The following BCL11B variants were observed in gnomAD, a reference collection of about 807,000 sequenced individuals.
The protein encoded by BCL11B is B-cell lymphoma/leukemia 11B.
In BCL11B, 8 loss-of-function variants were observed where a neutral mutation model predicts 49.9. The observed-to-expected ratio is 0.16, with a 90% confidence interval of 0.09 to 0.29. BCL11B has a LOEUF of 0.29. Among genes scored for constraint, BCL11B ranks in the 10% least tolerant of loss-of-function variants. BCL11B has a pLI of 1.00. For missense variants in BCL11B, 1,006 were observed against 1,351.0 expected (o/e 0.74, Z 4.00); for synonymous variants, 739 against 637.4 (o/e 1.16, Z -2.40).
Position 99,241,188 on chromosome 14 carries a change from A to AT in BCL11B, c.428-9632dup, listed in dbSNP as rs1160252005. On this transcript the variant is annotated intron_variant, in intron 2 of 3. Coordinates refer to ENST00000357195, the MANE Select transcript of BCL11B (RefSeq NM_138576.4). The surrounding 1 kb of genome is among the most constrained non-coding windows in gnomAD (Gnocchi z 4.4). The stretch of plus-strand genomic sequence containing the variant: ...TTGGTTTTGAAACTGTTTTTTTATT[A>AT]TTTTTTTTAAATCTACAGCCTCTGT... 5.3e-5 allele frequency among the ~76,000 whole-genome samples: 8 copies of AT among 151,698 alleles called. No individual in the cohort carries two copies. Among genetic ancestry groups the AT allele is most frequent in the Non-Finnish European group, 1.0e-4 (7 of 67,926 alleles).
chr14:99,175,615 C>A lies in BCL11B; in HGVS notation c.1221G>T (p.Pro407=), dbSNP rs751446043. 2.6e-6 allele frequency: 4 copies of A among 1,562,068 alleles called. No individual in the cohort carries two copies. The African/African-American group carries it at 5.5e-5, about 22-fold the overall frequency. The change falls in exon 4 of 4, where the codon CCG becomes CCT. Residue 407 remains proline, a synonymous_variant. Coordinates refer to ENST00000357195, the MANE Select transcript of BCL11B (RefSeq NM_138576.4). ...PSPKSPFLST[P]PLPPMPPGGT... ...CGCCAGGGGGCATGGGCGGCAGCGGCGGCGTGCTCAGGAACGGGGACTTGG... is the reference window on the plus strand; with the variant it reads ...CGCCAGGGGGCATGGGCGGCAGCGGAGGCGTGCTCAGGAACGGGGACTTGG...
intron 1 of BCL11B, among the ~76,000 whole-genome samples, chr14:99,258,994 G>T (rs1889259645): frequency 8.5e-6 from 1 of 118,094 alleles, no homozygotes. Context: ...AAAATTGGAA[G>T]ACTCGGCAGC....
chr14:99,211,419 T>C (rs1332810316), intron 3 of BCL11B, among the ~76,000 whole-genome samples: 1 of 152,208 alleles, frequency 6.6e-6, no homozygotes, highest in Non-Finnish European at 1.5e-5. Flanking sequence ...TGCCTTTTGC[T>C]GTTCTGTCCT....
Position 99,231,292 on chromosome 14 carries a change from G to T in BCL11B, c.640+53C>A, listed in dbSNP as rs1566821493. Reference sequence around the variant, plus strand: ...CCCACCTTGCTCCAGCGCTGCCCATGGCACACCCCGCCATCCCGGGGGCCC... The same window carrying T: ...CCCACCTTGCTCCAGCGCTGCCCATTGCACACCCCGCCATCCCGGGGGCCC... On this transcript the variant is annotated intron_variant, in intron 3 of 3. Coordinates refer to ENST00000357195, the MANE Select transcript of BCL11B (RefSeq NM_138576.4). The surrounding 1 kb of genome is among the most constrained non-coding windows in gnomAD (Gnocchi z 8.1). 1.3e-6 allele frequency: 2 copies of T among 1,571,076 alleles called. No homozygotes were observed.
At position 99,169,923 on chromosome 14, in the gene BCL11B, C is replaced by T. The variant is rs1230691554; in HGVS notation, c.*4228G>A. 8.7e-6 allele frequency: 2 copies of T among 229,584 alleles called. No homozygotes were observed. The highest frequency in any genetic ancestry group is 8.7e-6 in the Non-Finnish European group (1 of 115,544). The allele number at this position is 229,584 out of a possible 1,614,324, so 14.2% of individuals were successfully genotyped here. ...AACTTTGAACAAAGTTGTGGCAGTG[C>T]GGAAACCGGCCTGAGGTCGGCTGGG... On this transcript the variant is annotated 3_prime_UTR_variant, in exon 4 of 4. Coordinates refer to ENST00000357195, the MANE Select transcript of BCL11B (RefSeq NM_138576.4).
rs375811073 is a variant in BCL11B, at chr14:99,180,498, C to T, written c.641-4303G>A. Among the ~76,000 whole-genome samples, 293 of 152,312 alleles carry T rather than the reference C, an allele frequency of 1.9e-3. 1 individual carries two copies. The Middle Eastern group carries it at 0.037, about 19-fold the overall frequency. On this transcript the variant is annotated intron_variant, in intron 3 of 3. Transcript: ENST00000357195. ...CCTGGGTCATGAGAACCCTGGACAACAGCAGTGCGTCCATACCCCTCTGCC... is the reference window on the plus strand; with the variant it reads ...CCTGGGTCATGAGAACCCTGGACAATAGCAGTGCGTCCATACCCCTCTGCC...
Position 99,175,085 on chromosome 14 carries a change from G to A in BCL11B, c.1751C>T (p.Ala584Val), listed in dbSNP as rs773280621. 3.1e-6 allele frequency: 5 copies of A among 1,599,984 alleles called. No individual in the cohort carries two copies. The highest frequency in any genetic ancestry group is 4.2e-6 in the Non-Finnish European group (5 of 1,177,248). The part of the protein sequence containing the change: ...PGVPGAGGGA[A>V]KALADEKALV... ...CGCCTTCTCGTCAGCCAGCGCCTTG[G>A]CCGCGCCGCCCCCCGCGCCCGGGAC... The change falls in exon 4 of 4, where the codon GCC becomes GTC. Residue 584 changes from alanine (A) to valine (V), a missense_variant. By Grantham distance (64) the Ala-to-Val change is moderately conservative (BLOSUM62 0). This residue lies in a region of BCL11B where 443 missense variants were observed against 499.7 expected (regional missense o/e 0.89). Coordinates refer to ENST00000357195, the MANE Select transcript of BCL11B (RefSeq NM_138576.4).
At chr14:99,229,361 G>A (rs1270495846) in intron 3 of BCL11B, among the ~76,000 whole-genome samples, 2 of 152,144 alleles carry the variant, frequency 1.3e-5, no homozygotes, top group African/African-American at 2.4e-5. Flanking sequence ...CTTGCTGATG[G>A]CAGAGCCCCC....
chr14:99,258,246 T>G (rs1183323497), intron 1 of BCL11B, among the ~76,000 whole-genome samples: 2 of 152,204 alleles, frequency 1.3e-5, no homozygotes, highest in South Asian at 2.1e-4. Context: ...CTGGAGGGTT[T>G]GAAAAATCCC....
intron 3 of BCL11B, among the ~76,000 whole-genome samples, chr14:99,207,402 C>T (rs1887563106): frequency 6.6e-6 from 1 of 152,150 alleles, no homozygotes; most frequent in Non-Finnish European, 1.5e-5. Flanking sequence ...TCTAAAGTCC[C>T]TCTAGCTGAG....
At chr14:99,211,277 C>T (rs528279963) in intron 3 of BCL11B, among the ~76,000 whole-genome samples, 2 of 152,280 alleles carry the variant, frequency 1.3e-5, no homozygotes, top group South Asian at 4.1e-4. Flanking sequence ...GGCTCCAGTC[C>T]CCAGCCCAAG....
At chr14:99,186,156 G>A (rs540395235) in intron 3 of BCL11B, among the ~76,000 whole-genome samples, 4 of 152,340 alleles carry the variant, frequency 2.6e-5, no homozygotes, top group Admixed American at 1.3e-4. Flanking sequence ...CCAGAGGAGG[G>A]AGAGGCTGAC....
At position 99,174,286 on chromosome 14, in the gene BCL11B, G is replaced by A; in HGVS notation, c.2550C>T (p.Gly850=). The part of the protein sequence containing the change: ...TRHMKTHGQI[G]KEVYRCDICQ... ...AGATGTCGCAGCGGTACACCTCCTT[G>A]CCGATCTGCCCGTGCGTCTTCATGT... The change falls in exon 4 of 4, where the codon GGC becomes GGT. Residue 850 remains glycine (G), a synonymous_variant. Coordinates refer to ENST00000357195, the MANE Select transcript of BCL11B (RefSeq NM_138576.4). 3 of 1,613,630 alleles carry A rather than the reference G, an allele frequency of 1.9e-6. No homozygotes were observed. The highest frequency in any genetic ancestry group is 2.5e-6 in the Non-Finnish European group (3 of 1,180,012).
At position 99,179,686 on chromosome 14, in the gene BCL11B, A is replaced by G. The variant is rs551134831; in HGVS notation, c.641-3491T>C. ...CAATACTTCCCTCTGCACAATGGCA[A>G]GATTTCACTTCAGGCGATGGCCTCC... On this transcript the variant is annotated intron_variant, in intron 3 of 3. Transcript: ENST00000357195. Among the ~76,000 whole-genome samples, 4 of 152,222 alleles carry G rather than the reference A, an allele frequency of 2.6e-5. No homozygotes were observed. In the South Asian group the frequency reaches 8.3e-4, roughly 32 times the overall value.
At chr14:99,215,169 C>T (rs900874822) in intron 3 of BCL11B, among the ~76,000 whole-genome samples, 2 of 151,824 alleles carry the variant, frequency 1.3e-5, no homozygotes, top group Admixed American at 6.6e-5. Context: ...ACCCCTGCTC[C>T]GGCCAAGGGA....
intron 3 of BCL11B, among the ~76,000 whole-genome samples, chr14:99,230,752 C>T (rs1047710570): frequency 6.6e-5 from 10 of 152,294 alleles, no homozygotes; most frequent in Middle Eastern, 3.4e-3. Flanking sequence ...CAGAGCCGGA[C>T]GCACAGCAGG....
intron 3 of BCL11B, among the ~76,000 whole-genome samples, chr14:99,207,914 G>T (rs1190950794): frequency 6.6e-6 from 1 of 152,172 alleles, no homozygotes; most frequent in Non-Finnish European, 1.5e-5. Flanking sequence ...CCCACCAGCT[G>T]GGTGGCCCTG....
At chr14:99,217,770 G>A (rs1887894942) in intron 3 of BCL11B, among the ~76,000 whole-genome samples, 1 of 152,132 alleles carries the variant, frequency 6.6e-6, no homozygotes, top group Non-Finnish European at 1.5e-5. Flanking sequence ...ATGGTGCTCA[G>A]AACTGGGCTC....
intron 3 of BCL11B, among the ~76,000 whole-genome samples, chr14:99,182,152 C>T (rs1208463819): frequency 2.6e-5 from 4 of 152,122 alleles, no homozygotes; most frequent in African/African-American, 4.8e-5. Flanking sequence ...AAGACAAAGG[C>T]GGAACTGGGG....
Sources: gnomAD v4.1 joint callset for allele counts (sites outside exome capture counted in the v4.1 genomes callset) on GRCh38, gnomAD v4.1.1 for gene constraint, gnomAD v4.1.1 regional missense constraint, Gnocchi (gnomAD v3.1) non-coding constraint, MANE v1.5 for transcripts, NCBI Gene and HGNC (gene_info 2026-07-23, HGNC 2026-07-21) for gene names.